The following ALG13 variants were observed in gnomAD, a reference collection of about 807,000 sequenced individuals.
ALG13 encodes UDP-N-acetylglucosamine transferase subunit ALG13.
Under a neutral mutation model 87.8 loss-of-function variants are expected in ALG13, and 11 were observed. The ratio of observed to expected loss-of-function variants is 0.13; its 90% CI spans 0.08 to 0.21. The LOEUF is 0.21. Among genes scored for constraint, ALG13 ranks in the 10% least tolerant of loss-of-function variants. ALG13 has a pLI of 1.00. For synonymous variants in ALG13, 320 were observed against 306.3 expected, an observed-to-expected ratio of 1.04 and a Z score of -0.47; for missense variants, 756 against 866.1, an observed-to-expected ratio of 0.87 and a Z score of 1.60.
chrX:111,716,066 A>G (rs908199855), intron 8 of ALG13, among the ~76,000 whole-genome samples: 1 of 112,062 alleles, frequency 8.9e-6, no homozygotes, highest in Admixed American at 9.4e-5. Context: ...ATTGGTTCTC[A>G]TGCACTTCAA....
chrX:111,728,051 A>T, intron 18 of ALG13, 134 bp from the exon 19 acceptor site: 1 of 841,870 alleles, frequency 1.2e-6, no homozygotes, highest in Non-Finnish European at 1.7e-6. Flanking sequence ...GAAAACATTT[A>T]ATTACAGAGT....
intron 24 of ALG13, among the ~76,000 whole-genome samples, chrX:111,751,656 T>C (rs752668400): frequency 1.3e-4 from 15 of 111,885 alleles, no homozygotes; most frequent in African/African-American, 4.9e-4. Flanking sequence ...TTTTTTAAAA[T>C]ATTATGTAGC....
intron 24 of ALG13, among the ~76,000 whole-genome samples, chrX:111,749,501 CAA>C (rs758779872): frequency 3.6e-5 from 3 of 82,473 alleles, no homozygotes; most frequent in Non-Finnish European, 4.9e-5. Context: ...CAAATTTTAC[CAA>C]AAAAAAAAAA....
At chrX:111,693,075 C>A (rs1936403855) in intron 3 of ALG13, among the ~76,000 whole-genome samples, 1 of 110,926 alleles carries the variant, frequency 9.0e-6, no homozygotes, top group African/African-American at 3.3e-5. Context: ...GCCACTGTGC[C>A]CAGTCATCAA....
intron 23 of ALG13, among the ~76,000 whole-genome samples, chrX:111,741,540 T>C (rs1176598442): frequency 8.9e-6 from 1 of 112,133 alleles, no homozygotes; most frequent in Admixed American, 9.4e-5. Context: ...GAGCAGGGCA[T>C]GGTGGCTCAT....
At chrX:111,705,490 G>C (rs965555563) in intron 3 of ALG13, among the ~76,000 whole-genome samples, 1 of 111,274 alleles carries the variant, frequency 9.0e-6, no homozygotes, top group Non-Finnish European at 1.9e-5. Flanking sequence ...TGATAAAATC[G>C]AGTTAATTTT....
chrX:111,714,118 G>A (rs756986878), intron 8 of ALG13: 1 of 111,314 alleles, frequency 9.0e-6, no homozygotes, highest in African/African-American at 3.3e-5. Flanking sequence ...AGGAGAAGTA[G>A]CATTAGGAAT....
In ALG13 at chrX:111,708,069, T is replaced by C. The variant is rs759472632; in HGVS notation, c.426T>C (p.Ala142=). The part of the protein sequence containing the change: ...CPGQAKSIAS[A]PGKCQDSAAL... The stretch of plus-strand genomic sequence containing the variant: ...GGCAAGCCAAGTCCATTGCTTCTGC[T>C]CCTGGGAAGTGCCAAGATTCTGCAG... Residue 142 remains alanine, a synonymous_variant, in exon 4 of 27, where the codon GCT becomes GCC. Transcript: ENST00000394780. 1.2e-5 allele frequency: 15 copies of C among 1,208,966 alleles called. No homozygotes were observed. Among genetic ancestry groups the C allele is most frequent in the Non-Finnish European group, 1.5e-5 (13 of 894,788 alleles).
chrX:111,744,591 A>G (rs1443344891), intron 23 of ALG13, 77 bp from the exon 24 acceptor site: 1 of 1,069,274 alleles, frequency 9.4e-7, no homozygotes, highest in Non-Finnish European at 1.3e-6. Flanking sequence ...TACTGGAGAC[A>G]AGAAAAGTAG....
intron 6 of ALG13, among the ~76,000 whole-genome samples, 168 bp downstream of exon 6, chrX:111,711,893 A>G (rs1939834130): frequency 8.9e-6 from 1 of 112,122 alleles, no homozygotes; most frequent in Non-Finnish European, 1.9e-5. Context: ...CAATTGACCA[A>G]TTGTTTTGTG....
In ALG13 at chrX:111,681,217, C is replaced by T; in HGVS notation, c.-2C>T. On this transcript the variant is annotated 5_prime_UTR_variant, in exon 1 of 27. Coordinates refer to ENST00000394780, the MANE Select transcript of ALG13 (RefSeq NM_001099922.3). Reference sequence around the variant, plus strand: ...GCGATCAGGGCTTGAGGAACCCGCGCCATGAAGTGCGTGTTTGTTACCGTA... The same window carrying T: ...GCGATCAGGGCTTGAGGAACCCGCGTCATGAAGTGCGTGTTTGTTACCGTA... 1 of 1,211,609 alleles carries T rather than the reference C, an allele frequency of 8.3e-7. No homozygotes were observed. Among genetic ancestry groups the T allele is most frequent in the East Asian group, 3.0e-5 (1 of 33,804 alleles).
chrX:111,681,548 C>T (rs1336523075), intron 1 of ALG13: 2 of 971,607 alleles, frequency 2.1e-6, no homozygotes, highest in African/African-American at 2.0e-5. Context: ...CTCATTTCTT[C>T]AGCTCCTTTT....
intron 5 of ALG13, among the ~76,000 whole-genome samples, 184 bp from the exon 6 acceptor site, chrX:111,711,491 T>G (rs1051332949): frequency 7.1e-5 from 8 of 112,324 alleles, no homozygotes; most frequent in Non-Finnish European, 1.5e-4. Context: ...ACTTTTATAC[T>G]CCAGCTTTTC....
intron 3 of ALG13, among the ~76,000 whole-genome samples, chrX:111,691,475 G>C (rs1225676954): frequency 8.9e-6 from 1 of 112,092 alleles, no homozygotes; most frequent in Non-Finnish European, 1.9e-5. Flanking sequence ...GTATGTATCA[G>C]GTACTATTCA....
At chrX:111,705,650 G>A (rs765805076) in intron 3 of ALG13, among the ~76,000 whole-genome samples, 2 of 111,620 alleles carry the variant, frequency 1.8e-5, no homozygotes, top group South Asian at 7.4e-4. Flanking sequence ...ATAGGTTGAG[G>A]ATCCTTTTTT....
At chrX:111,714,847 G>A (rs995196418) in intron 8 of ALG13, among the ~76,000 whole-genome samples, 12 of 111,935 alleles carry the variant, frequency 1.1e-4, no homozygotes, top group Non-Finnish European at 2.1e-4. Flanking sequence ...AAAGTTTTTA[G>A]GCAAAGGTGT....
At chrX:111,688,351 AT>A (rs1935484980) in intron 3 of ALG13, 1 of 717,104 alleles carries the variant, frequency 1.4e-6, no homozygotes, top group Admixed American at 8.6e-5. Flanking sequence ...GAATAAAAAA[AT>A]GAAACAGTAA....
chrX:111,723,945 G>T lies in ALG13; in HGVS notation c.1601+47G>T. ...GAATTACTGAAATCTTTGGTTCCTG[G>T]TTCCATTTCGTAATATTAAATTGAG... is the stretch of plus-strand genomic sequence containing the variant. On this transcript the variant is annotated intron_variant, in intron 14 of 26. Transcript: ENST00000394780. 4 of 812,718 alleles carry T rather than the reference G, an allele frequency of 4.9e-6. No homozygotes were observed. In the South Asian group the frequency reaches 8.0e-5, roughly 16 times the overall value. The allele number at this position is 812,718 out of a possible 1,213,427, so 67.0% of individuals were successfully genotyped here. A position where few individuals can be genotyped will look rare whatever the true frequency, so the allele number is the denominator to read the frequency against.
At chrX:111,689,513 T>G (rs1431861938) in intron 3 of ALG13, 1 of 752,009 alleles carries the variant, frequency 1.3e-6, no homozygotes, top group Non-Finnish European at 1.6e-6. Flanking sequence ...ATTCCATTAT[T>G]TCATTTAGCA....
Sources: allele counts gnomAD v4.1 joint callset (sites outside exome capture counted in the v4.1 genomes callset), GRCh38; gene constraint gnomAD v4.1.1; transcripts MANE v1.5; gene names NCBI Gene and HGNC (gene_info 2026-07-23, HGNC 2026-07-21).